The following SMG6 variants were observed in gnomAD, a reference collection of about 807,000 sequenced individuals.
SMG6 encodes the protein SMG6 nonsense mediated mRNA decay factor, also known as telomerase-binding protein EST1A.
SMG6 carries 66 observed loss-of-function variants against 142.2 expected under a neutral mutation model. That is an observed-to-expected ratio of 0.46 (90% CI 0.38 to 0.57). The LOEUF (loss-of-function observed/expected upper bound fraction) is 0.57, where lower values mean the gene tolerates loss of function less well. Ranked by LOEUF, SMG6 falls within the 20% of genes least tolerant of loss-of-function variation. The pLI is 0.00. For synonymous variants in SMG6, 779 were observed against 702.4 expected, an observed-to-expected ratio of 1.11 and a Z score of -1.72; for missense variants, 1,793 against 1,832.0, an observed-to-expected ratio of 0.98 and a Z score of 0.39.
At position 2,299,295 on chromosome 17, in the gene SMG6, T is replaced by A; in HGVS notation, c.1458A>T (p.Thr486=). ...FLDTDDEVSP[T]SWGDSRQAQA... ...GAGCCTGGCGTGAGTCACCCCAAGA[T>A]GTAGGGCTGACTTCATCATCAGTGT... The change falls in exon 2 of 19, where the codon ACA becomes ACT. Residue 486 remains threonine, a synonymous_variant. Transcript: ENST00000263073. The surrounding 1 kb of genome is among the most constrained non-coding windows in gnomAD (Gnocchi z 4.3). 6.2e-7 allele frequency: 1 copy of A among 1,613,998 alleles called. No homozygotes were observed. The highest frequency in any genetic ancestry group is 1.3e-5 in the African/African-American group (1 of 74,956).
At chr17:2,110,107 A>G (rs12939311) in intron 13 of SMG6, among the ~76,000 whole-genome samples, 1 of 149,708 alleles carries the variant, frequency 6.7e-6, no homozygotes, top group Non-Finnish European at 1.5e-5. Context: ...AAAAAAAAAG[A>G]CAACACAGAA....
At chr17:2,128,310 A>G (rs1357549148) in intron 13 of SMG6, among the ~76,000 whole-genome samples, 1 of 152,194 alleles carries the variant, frequency 6.6e-6, no homozygotes, top group African/African-American at 2.4e-5. Flanking sequence ...ATATTTTACC[A>G]CAATTAAAAA....
chr17:2,260,061 T>C (rs2074278508), intron 8 of SMG6, among the ~76,000 whole-genome samples: 1 of 152,220 alleles, frequency 6.6e-6, no homozygotes, highest in African/African-American at 2.4e-5. Context: ...TTAAAAATGG[T>C]CATTCAGGTT....
intron 8 of SMG6, among the ~76,000 whole-genome samples, chr17:2,261,971 A>C (rs1465231030): frequency 6.6e-6 from 1 of 152,254 alleles, no homozygotes; most frequent in Non-Finnish European, 1.5e-5. Flanking sequence ...AAATGTGTTA[A>C]CATAGTTTGC....
intron 15 of SMG6, among the ~76,000 whole-genome samples, chr17:2,073,136 T>C (rs530975983): frequency 1.3e-4 from 20 of 152,066 alleles, no homozygotes; most frequent in Non-Finnish European, 2.5e-4. Context: ...TATGCTGGAG[T>C]GTAGTGGCGT....
At chr17:2,247,326 T>A (rs1283408446) in intron 8 of SMG6, among the ~76,000 whole-genome samples, 1 of 152,216 alleles carries the variant, frequency 6.6e-6, no homozygotes, top group African/African-American at 2.4e-5. Context: ...TTATTTCAAA[T>A]AAAAAGTTAA....
At chr17:2,136,810 A>G (rs1369164452) in intron 13 of SMG6, among the ~76,000 whole-genome samples, 1 of 151,030 alleles carries the variant, frequency 6.6e-6, no homozygotes, top group Non-Finnish European at 1.5e-5. Flanking sequence ...TAAGTTTAGT[A>G]TGTTCTTTTT....
intron 13 of SMG6, chr17:2,122,382 T>C (rs992103432): frequency 2.6e-5 from 4 of 151,882 alleles, no homozygotes; most frequent in Non-Finnish European, 5.9e-5. Context: ...AAAAAGAAAA[T>C]CTGCATCAAT....
intron 10 of SMG6, among the ~76,000 whole-genome samples, chr17:2,231,773 C>G (rs890026774): frequency 9.4e-5 from 14 of 149,406 alleles, no homozygotes; most frequent in Non-Finnish European, 2.1e-4. Context: ...TTAATCCCAG[C>G]TCCCAAATAT....
At chr17:2,169,887 G>C (rs2071451183) in intron 13 of SMG6, among the ~76,000 whole-genome samples, 1 of 152,158 alleles carries the variant, frequency 6.6e-6, no homozygotes, top group East Asian at 1.9e-4. Context: ...CCAGTCAGAA[G>C]GCATTTCAGA....
intron 13 of SMG6, among the ~76,000 whole-genome samples, chr17:2,121,376 G>A (rs867001946): frequency 8.5e-5 from 13 of 152,150 alleles, no homozygotes; most frequent in Middle Eastern, 3.4e-3. Flanking sequence ...AAAAGATTAA[G>A]CTAAATGAAA....
chr17:2,267,426 G>A (rs113221082), intron 8 of SMG6, among the ~76,000 whole-genome samples: 14 of 152,044 alleles, frequency 9.2e-5, no homozygotes, highest in African/African-American at 2.9e-4. Context: ...ATGAACTCCT[G>A]GATTCAAGCA....
intron 6 of SMG6, among the ~76,000 whole-genome samples, chr17:2,284,107 G>A (rs216189): frequency 0.57 from 87,067 of 151,980 alleles, 26,221 homozygotes; most frequent in East Asian, 0.75. Context: ...ATGAAATCAC[G>A]AAATTACAAG....
At chr17:2,250,721 T>TAG (rs1597710158) in intron 8 of SMG6, among the ~76,000 whole-genome samples, 1 of 152,200 alleles carries the variant, frequency 6.6e-6, no homozygotes, top group East Asian at 1.9e-4. Flanking sequence ...TCTTGCATTT[T>TAG]AGAAAAGGGA....
intron 1 of SMG6, among the ~76,000 whole-genome samples, chr17:2,301,926 T>A (rs1290838636): frequency 2.6e-5 from 4 of 151,988 alleles, no homozygotes; most frequent in African/African-American, 9.7e-5. Flanking sequence ...TTCGGGAGAA[T>A]ATTATCAAGT....
Position 2,060,448 on chromosome 17 carries a change from C to A in SMG6, c.*1044G>T, listed in dbSNP as rs767860211. ...CTGGAAGTTTCTCCCAGCACAGGAG[C>A]CGAGGGTGGAAGGCCCTGGGTGGGA... On this transcript the variant is annotated 3_prime_UTR_variant, in exon 19 of 19. Transcript: ENST00000263073. The A allele has an allele frequency of 2.0e-5, 3 of 152,254 alleles. No homozygotes were observed. Among genetic ancestry groups the A allele is most frequent in the Non-Finnish European group, 4.4e-5 (3 of 68,080 alleles). 9.4% of individuals were successfully genotyped at this position (152,254 alleles called of 1,614,324 possible). A position where few individuals can be genotyped will look rare whatever the true frequency, so the allele number is the denominator to read the frequency against.
chr17:2,068,608 T>G lies in SMG6; in HGVS notation c.3835+170A>C, dbSNP rs1323404559. On this transcript the variant is annotated intron_variant, in intron 16 of 18. Coordinates refer to ENST00000263073, the MANE Select transcript of SMG6 (RefSeq NM_017575.5). This position sits in a 1 kb window ranked among gnomAD's most constrained non-coding sequence, Gnocchi z 6.7. ...GATCAGCCATGAGAATGTGAACTAC[T>G]TTGATTATTAAACAGTTTTCTTTGC... 6.6e-6 allele frequency among the ~76,000 whole-genome samples: 1 copy of G among 152,236 alleles called. No individual in the cohort carries two copies. The highest frequency in any genetic ancestry group is 2.4e-5 in the African/African-American group (1 of 41,456).
intron 13 of SMG6, among the ~76,000 whole-genome samples, chr17:2,108,618 G>A (rs913506578): frequency 2.7e-5 from 4 of 149,844 alleles, no homozygotes; most frequent in Non-Finnish European, 4.5e-5. Context: ...GCCACAAAGC[G>A]AGACTCTGTC....
At chr17:2,138,465 T>G (rs1009175270) in intron 13 of SMG6, among the ~76,000 whole-genome samples, 1 of 152,042 alleles carries the variant, frequency 6.6e-6, no homozygotes, top group Non-Finnish European at 1.5e-5. Flanking sequence ...CCAGACTAAA[T>G]GAAGACATAT....
Sources: gnomAD v4.1 joint callset for allele counts (sites outside exome capture counted in the v4.1 genomes callset) on GRCh38, gnomAD v4.1.1 for gene constraint, Gnocchi (gnomAD v3.1) non-coding constraint, MANE v1.5 for transcripts, NCBI Gene and HGNC (gene_info 2026-07-23, HGNC 2026-07-21) for gene names.